ZWILCH: variants seen among roughly 807,000 people sequenced by gnomAD.
The protein encoded by ZWILCH is protein zwilch homolog.
ZWILCH carries 74 observed loss-of-function variants against 79.9 expected under a neutral mutation model. The ratio of observed to expected loss-of-function variants is 0.93; its 90% CI spans 0.77 to 1.12. The LOEUF (loss-of-function observed/expected upper bound fraction) is 1.12. Among genes scored for constraint, ZWILCH ranks in the 50% most tolerant of loss-of-function variants. The probability of loss-of-function intolerance (pLI) is 0.00; values close to 1 mark genes in which losing one functional copy is unlikely to be tolerated. For synonymous variants in ZWILCH, 241 were observed against 228.2 expected, an observed-to-expected ratio of 1.06 and a Z score of -0.51; for missense variants, 694 against 687.5, an observed-to-expected ratio of 1.01 and a Z score of -0.11.
chr15:66,548,254 C>T, intron 18 of ZWILCH, 97 bp from the exon 19 acceptor site: 1 of 327,286 alleles, frequency 3.1e-6, no homozygotes, highest in Non-Finnish European at 5.6e-6. Context: ...TCATTATATA[C>T]AGCAAAATCT....
chr15:66,520,359 G>A (rs1362060992), intron 5 of ZWILCH: 5 of 394,620 alleles, frequency 1.3e-5, no homozygotes, highest in African/African-American at 4.3e-5. Context: ...GGGTTCAAAC[G>A]ATCCTCCCTC....
In ZWILCH at chr15:66,523,632, G is replaced by A. The variant is rs574000811; in HGVS notation, c.748-45G>A. ...CAAGTATAACACTTATGTAGAGAAG[G>A]TAGGATTAGCACTAGAAAACTGACA... is the stretch of plus-strand genomic sequence containing the variant. On this transcript the variant is annotated intron_variant, in intron 7 of 18. Transcript: ENST00000307897. 28 of 1,252,528 alleles carry A rather than the reference G, an allele frequency of 2.2e-5. No homozygotes were observed. In the South Asian group the frequency reaches 2.6e-4, roughly 12 times the overall value. The allele number at this position is 1,252,528 out of a possible 1,614,324, so 77.6% of individuals were successfully genotyped here.
At chr15:66,518,582 G>A (rs768392935) in intron 4 of ZWILCH, among the ~76,000 whole-genome samples, 1 of 152,206 alleles carries the variant, frequency 6.6e-6, no homozygotes. Context: ...GAAGGCTAAG[G>A]CAGAAGAATT....
chr15:66,532,334 A>G lies in ZWILCH; in HGVS notation c.1243A>G (p.Ile415Val), dbSNP rs199947479. 1.5e-4 allele frequency: 242 copies of G among 1,612,882 alleles called. No individual in the cohort carries two copies. The Middle Eastern group carries it at 2.6e-3, about 18-fold the overall frequency. Reference protein sequence around the residue: ...TMDTVSLSGTIPVQMLLEIGL... With the variant: ...TMDTVSLSGTVPVQMLLEIGL... ...GGACACAGTTTCTCTCAGTGGGACT[A>G]TTCCAGTTCAAATGCTTTTGGAAAT... The change falls in exon 13 of 19, where the codon ATT becomes GTT. Residue 415 changes from isoleucine (I) to valine (V), a missense_variant. Ile to Val is a conservative substitution (Grantham distance 29). Coordinates refer to ENST00000307897, the MANE Select transcript of ZWILCH (RefSeq NM_017975.5).
At chr15:66,526,476 T>C (rs189642209) in intron 8 of ZWILCH, among the ~76,000 whole-genome samples, 30 of 152,128 alleles carry the variant, frequency 2.0e-4, no homozygotes, top group African/African-American at 6.3e-4. Flanking sequence ...TTTCTTTCTT[T>C]TTTTTTTGAG....
intron 17 of ZWILCH, among the ~76,000 whole-genome samples, chr15:66,543,625 C>T (rs1390565694): frequency 6.6e-6 from 1 of 152,142 alleles, no homozygotes; most frequent in East Asian, 1.9e-4. Context: ...CGTGTGGTGG[C>T]ATATGCCTGT....
chr15:66,540,424 G>A (rs1200687508), intron 17 of ZWILCH, among the ~76,000 whole-genome samples: 1 of 151,922 alleles, frequency 6.6e-6, no homozygotes. Context: ...ATGGTTGCAT[G>A]TGCCTGTAGT....
intron 11 of ZWILCH, 62 bp from the exon 12 acceptor site, chr15:66,529,432 A>G: frequency 1.8e-6 from 2 of 1,122,934 alleles, no homozygotes; most frequent in Non-Finnish European, 2.7e-6. Context: ...CCTTAAGATT[A>G]ATGATATATT....
At chr15:66,541,673 A>G (rs1200541451) in intron 17 of ZWILCH, among the ~76,000 whole-genome samples, 1 of 152,214 alleles carries the variant, frequency 6.6e-6, no homozygotes, top group Non-Finnish European at 1.5e-5. Context: ...TCCTTCAGGA[A>G]GTACCCTCAA....
intron 5 of ZWILCH, among the ~76,000 whole-genome samples, chr15:66,520,234 C>T (rs1400053519): frequency 1.3e-5 from 2 of 152,102 alleles, no homozygotes; most frequent in African/African-American, 4.8e-5. Flanking sequence ...AATCCTCTCA[C>T]CGCAGCCTCC....
chr15:66,534,578 A>G (rs1443348850), intron 14 of ZWILCH, among the ~76,000 whole-genome samples: 1 of 152,186 alleles, frequency 6.6e-6, no homozygotes, highest in East Asian at 1.9e-4. Flanking sequence ...TAGGCTATAA[A>G]CCTTTACAGT....
chr15:66,523,055 T>G (rs1894555018), intron 7 of ZWILCH, among the ~76,000 whole-genome samples: 1 of 152,184 alleles, frequency 6.6e-6, no homozygotes, highest in African/African-American at 2.4e-5. Flanking sequence ...ACTTCTGACC[T>G]CAACTGATTC....
chr15:66,514,303 CTT>C (rs1894176816), intron 3 of ZWILCH: 1 of 271,124 alleles, frequency 3.7e-6, no homozygotes. Context: ...ATAAAATTCA[CTT>C]ATTTCTTTTT....
intron 9 of ZWILCH, among the ~76,000 whole-genome samples, 175 bp downstream of exon 9, chr15:66,527,558 A>G (rs533588146): frequency 1.3e-5 from 2 of 152,234 alleles, no homozygotes; most frequent in Non-Finnish European, 2.9e-5. Flanking sequence ...AAGTAATCCT[A>G]AGAATTAATA....
At chr15:66,508,788 AT>A (rs1193689736) in intron 1 of ZWILCH, 52 bp from the exon 2 acceptor site, 1 of 1,609,226 alleles carries the variant, frequency 6.2e-7, no homozygotes, top group African/African-American at 1.3e-5. Context: ...CTGAGTGTGA[AT>A]AACGGGAGAG....
chr15:66,521,581 G>A (rs190951472), intron 7 of ZWILCH, among the ~76,000 whole-genome samples: 5 of 152,098 alleles, frequency 3.3e-5, no homozygotes, highest in Admixed American at 1.3e-4. Context: ...CTGCAGCCTC[G>A]AACTCCTGTG....
intron 3 of ZWILCH, chr15:66,514,310 C>CT (rs35120770): frequency 0.23 from 46,589 of 201,782 alleles, 4,672 homozygotes; most frequent in African/African-American, 0.29. Context: ...TCACTTATTT[C>CT]TTTTTTTTTT....
intron 18 of ZWILCH, 37 bp downstream of exon 18, chr15:66,546,742 C>T (rs897934962): frequency 6.7e-6 from 8 of 1,196,196 alleles, no homozygotes; most frequent in Non-Finnish European, 9.4e-6. Flanking sequence ...TTGTCAAATA[C>T]TTTGTAATAA....
chr15:66,536,939 A>C (rs1372937211), intron 15 of ZWILCH, among the ~76,000 whole-genome samples: 2 of 151,998 alleles, frequency 1.3e-5, no homozygotes, highest in Non-Finnish European at 2.9e-5. Flanking sequence ...TATGTCTATT[A>C]ATTTTTTAAA....
Sources: gnomAD v4.1 joint callset for allele counts (sites outside exome capture counted in the v4.1 genomes callset) on GRCh38, gnomAD v4.1.1 for gene constraint, MANE v1.5 for transcripts, NCBI Gene and HGNC (gene_info 2026-07-23, HGNC 2026-07-21) for gene names.